Variants in HLCS observed in about 807,000 individuals in gnomAD.
HLCS encodes biotin--protein ligase.
HLCS carries 53 observed loss-of-function variants against 75.0 expected under a neutral mutation model. The ratio of observed to expected loss-of-function variants is 0.71; its 90% CI spans 0.57 to 0.89. HLCS has a LOEUF of 0.89. Among genes scored for constraint, HLCS ranks in the 40% least tolerant of loss-of-function variants. HLCS has a pLI of 0.00. For synonymous variants in HLCS, 431 were observed against 428.6 expected (o/e 1.01, Z -0.07); for missense variants, 966 against 1,074.0 (o/e 0.90, Z 1.41).
intron 1 of HLCS, among the ~76,000 whole-genome samples, chr21:36,981,942 A>C (rs1333776534): frequency 1.3e-5 from 2 of 152,340 alleles, no homozygotes; most frequent in South Asian, 2.1e-4. Flanking sequence ...AAATGAATCA[A>C]GTCTGATGCC....
At chr21:36,958,968 G>A (rs1336634979) in intron 2 of HLCS, among the ~76,000 whole-genome samples, 1 of 152,234 alleles carries the variant, frequency 6.6e-6, no homozygotes, top group Non-Finnish European at 1.5e-5. Flanking sequence ...GTCTGGAGCA[G>A]GGTAGGCGCG....
intron 6 of HLCS, among the ~76,000 whole-genome samples, chr21:36,774,614 T>C (rs1037150417): frequency 2.6e-5 from 4 of 152,130 alleles, no homozygotes; most frequent in Non-Finnish European, 5.9e-5. Context: ...GACAAATGTG[T>C]GTGTTTTACG....
At chr21:36,932,440 C>T (rs1348139305) in intron 4 of HLCS, among the ~76,000 whole-genome samples, 2 of 152,170 alleles carry the variant, frequency 1.3e-5, no homozygotes, top group Non-Finnish European at 2.9e-5. Context: ...CCTTTCCTCC[C>T]ACCCTCCTTC....
Position 36,893,705 on chromosome 21 carries a change from C to T in HLCS, c.1892+3155G>A, listed in dbSNP as rs143079566. Among the ~76,000 whole-genome samples the T allele has an allele frequency of 8.0e-3, 1,222 of 152,306 alleles. 8 individuals carry two copies. The highest frequency in any genetic ancestry group is 0.013 in the Non-Finnish European group (875 of 68,022). ...GAGCTCCTATGAGAATCTAATGCTG[C>T]CGCTGATCTGACAGGGGGCGGGGCT... On this transcript the variant is annotated intron_variant, in intron 6 of 10. Transcript: ENST00000674895.
intron 6 of HLCS, among the ~76,000 whole-genome samples, chr21:36,839,590 C>T (rs1380371811): frequency 2.6e-5 from 4 of 152,094 alleles, no homozygotes; most frequent in African/African-American, 4.8e-5. Flanking sequence ...CAGATATATG[C>T]CAGAAGGAAG....
chr21:36,972,549 A>C (rs1484103463), intron 1 of HLCS, among the ~76,000 whole-genome samples: 1 of 152,222 alleles, frequency 6.6e-6, no homozygotes, highest in Non-Finnish European at 1.5e-5. Context: ...CCTCTGATGG[A>C]CAATGGCCTC....
At chr21:36,922,009 G>A (rs1286547452) in intron 5 of HLCS, among the ~76,000 whole-genome samples, 1 of 152,000 alleles carries the variant, frequency 6.6e-6, no homozygotes, top group Non-Finnish European at 1.5e-5. Context: ...ATATATAAAT[G>A]TATATGCATA....
chr21:36,803,019 C>T (rs577630549), intron 6 of HLCS, among the ~76,000 whole-genome samples: 7 of 152,152 alleles, frequency 4.6e-5, no homozygotes, highest in Non-Finnish European at 7.4e-5. Flanking sequence ...AAACTCTGGG[C>T]GATCAGGGTC....
chr21:36,808,780 G>C (rs2061429824), intron 6 of HLCS, among the ~76,000 whole-genome samples: 1 of 152,180 alleles, frequency 6.6e-6, no homozygotes, highest in Non-Finnish European at 1.5e-5. Context: ...TTCCCAACTG[G>C]TATTATTTCC....
At chr21:36,812,489 T>C (rs960164328) in intron 6 of HLCS, among the ~76,000 whole-genome samples, 3 of 152,210 alleles carry the variant, frequency 2.0e-5, no homozygotes, top group East Asian at 3.8e-4. Flanking sequence ...TGTCTTAGAA[T>C]GTTAGTTTTA....
intron 6 of HLCS, among the ~76,000 whole-genome samples, chr21:36,893,508 AAC>A (rs1304613481): frequency 2.6e-5 from 4 of 152,196 alleles, no homozygotes; most frequent in Non-Finnish European, 5.9e-5. Flanking sequence ...GCACTAAAAC[AAC>A]AGTCCCCAAC....
intron 6 of HLCS, 95 bp downstream of exon 6, chr21:36,896,765 C>T (rs1319031810): frequency 1.1e-5 from 16 of 1,402,372 alleles, no homozygotes; most frequent in Non-Finnish European, 1.6e-5. Flanking sequence ...AAACGTATTC[C>T]TCTACAACTC....
At chr21:36,826,064 C>T (rs2061999742) in intron 6 of HLCS, among the ~76,000 whole-genome samples, 1 of 151,956 alleles carries the variant, frequency 6.6e-6, no homozygotes, top group South Asian at 2.1e-4. Context: ...GAAAGAATCC[C>T]ACCAACTTCA....
chr21:36,811,907 G>T (rs1374811274), intron 6 of HLCS, among the ~76,000 whole-genome samples: 1 of 152,198 alleles, frequency 6.6e-6, no homozygotes, highest in Admixed American at 6.5e-5. Context: ...ATCAGGGAGA[G>T]ACACTGTGTC....
intron 6 of HLCS, among the ~76,000 whole-genome samples, chr21:36,770,093 C>T (rs2090177967): frequency 6.7e-6 from 1 of 149,290 alleles, no homozygotes; most frequent in African/African-American, 2.5e-5. Context: ...GGAAGAAAGG[C>T]TTGCATTGGT....
intron 6 of HLCS, among the ~76,000 whole-genome samples, chr21:36,804,569 T>C (rs929477662): frequency 1.3e-5 from 2 of 152,156 alleles, no homozygotes; most frequent in Non-Finnish European, 2.9e-5. Context: ...GGCAAACACC[T>C]GGAGTGTCTC....
intron 6 of HLCS, among the ~76,000 whole-genome samples, chr21:36,840,042 A>G (rs1438874082): frequency 6.6e-6 from 1 of 152,216 alleles, no homozygotes; most frequent in Non-Finnish European, 1.5e-5. Context: ...TGGCTCCATC[A>G]CTCATAATAA....
chr21:36,937,470 C>T, intron 3 of HLCS, 78 bp from the exon 4 acceptor site: 1 of 1,242,934 alleles, frequency 8.0e-7, no homozygotes, highest in Non-Finnish European at 1.2e-6. Flanking sequence ...TCAAGAATCT[C>T]ATCACCCTCT....
chr21:36,888,473 T>G (rs1292307782), intron 6 of HLCS, among the ~76,000 whole-genome samples: 1 of 123,974 alleles, frequency 8.1e-6, no homozygotes, highest in Non-Finnish European at 1.7e-5. Flanking sequence ...TATATATATA[T>G]ATATATATAT....
Sources: gnomAD v4.1 joint callset for allele counts (sites outside exome capture counted in the v4.1 genomes callset) on GRCh38, gnomAD v4.1.1 for gene constraint, MANE v1.5 for transcripts, NCBI Gene and HGNC (gene_info 2026-07-23, HGNC 2026-07-21) for gene names.